The following OPCML variants were observed in gnomAD, a reference collection of about 807,000 sequenced individuals.
OPCML encodes opioid-binding protein/cell adhesion molecule.
Under a neutral mutation model 37.8 loss-of-function variants are expected in OPCML, and 13 were observed. The observed-to-expected ratio is 0.34, with a 90% confidence interval of 0.22 to 0.55. The LOEUF is 0.55. Ranked by LOEUF, OPCML falls within the 20% of genes least tolerant of loss-of-function variation. The probability of loss-of-function intolerance (pLI) is 0.91; values close to 1 mark genes in which losing one functional copy is unlikely to be tolerated. For synonymous variants in OPCML, 176 were observed against 168.8 expected (o/e 1.04, Z -0.33); for missense variants, 341 against 435.6 (o/e 0.78, Z 1.93).
chr11:133,456,972 G>A (rs1946683601), intron 1 of OPCML, among the ~76,000 whole-genome samples: 1 of 152,178 alleles, frequency 6.6e-6, no homozygotes, highest in South Asian at 2.1e-4. Context: ...ATGGACAAAA[G>A]CTTCACAAAT....
chr11:133,486,558 C>A (rs570093675), intron 1 of OPCML, among the ~76,000 whole-genome samples: 2 of 152,112 alleles, frequency 1.3e-5, no homozygotes, highest in Non-Finnish European at 2.9e-5. Flanking sequence ...TTCCTTTCCT[C>A]GACATCTATG....
intron 1 of OPCML, among the ~76,000 whole-genome samples, chr11:133,488,527 C>G (rs771856563): frequency 2.6e-5 from 4 of 151,828 alleles, no homozygotes; most frequent in Non-Finnish European, 5.9e-5. Flanking sequence ...AATAAAATAT[C>G]TAGGAATATA....
intron 1 of OPCML, among the ~76,000 whole-genome samples, chr11:133,090,355 C>A (rs1591991982): frequency 6.6e-6 from 1 of 152,020 alleles, no homozygotes; most frequent in Admixed American, 6.6e-5. Flanking sequence ...TAGGAAAAAA[C>A]CCTAGATGGG....
chr11:133,141,083 AAGAAGAAGAAGG>A lies in OPCML; in HGVS notation c.62-198085_62-198074del, dbSNP rs1431404974. Among the ~76,000 whole-genome samples, 6 of 128,484 alleles carry A rather than the reference AAGAAGAAGAAGG, an allele frequency of 4.7e-5. 1 individual carries two copies. Among genetic ancestry groups the A allele is most frequent in the African/African-American group, 1.6e-4 (6 of 37,262 alleles). The allele number at this position is 128,484 out of a possible 152,430, so 84.3% of individuals were successfully genotyped here. ...GAAGAAGAAGAAGAAGAAGAAGAAG[AAGAAGAAGAAGG>A]AGAAGAAGAAGCAGCTGAATGCCAA... On this transcript the variant is annotated intron_variant, in intron 1 of 7. Coordinates refer to ENST00000524381, the MANE Select transcript of OPCML (RefSeq NM_001012393.5).
chr11:133,343,690 A>C (rs1424179499), intron 1 of OPCML, among the ~76,000 whole-genome samples: 1 of 152,230 alleles, frequency 6.6e-6, no homozygotes, highest in Non-Finnish European at 1.5e-5. Flanking sequence ...CTGTCTACCT[A>C]GCACTGTAAT....
chr11:132,607,869 G>A (rs888851487), intron 3 of OPCML, among the ~76,000 whole-genome samples: 2 of 152,106 alleles, frequency 1.3e-5, no homozygotes, highest in East Asian at 1.9e-4. Flanking sequence ...GGAGGGAGTG[G>A]GGAAGAAAGG....
intron 1 of OPCML, among the ~76,000 whole-genome samples, chr11:133,141,048 C>CGAAGAAGAAGAAGAAGAA (rs1161324241): frequency 0.031 from 181 of 5,788 alleles, 73 homozygotes; most frequent in Non-Finnish European, 0.034. Context: ...ACGACGACGA[C>CGAAGAAGAAGAAGAAGAA]GAAGAAGAAG....
chr11:132,771,432 G>A (rs117741767), intron 2 of OPCML, among the ~76,000 whole-genome samples: 2,106 of 152,292 alleles, frequency 0.014, 162 homozygotes, highest in Admixed American at 0.12. Context: ...AGGAAATGCA[G>A]TTAAATAGAC....
At chr11:133,329,135 A>G (rs1160551561) in intron 1 of OPCML, among the ~76,000 whole-genome samples, 1 of 152,206 alleles carries the variant, frequency 6.6e-6, no homozygotes, top group African/African-American at 2.4e-5. Context: ...AGGGATGTGA[A>G]GGACCTCTTC....
chr11:133,247,954 AC>A (rs1175710297), intron 1 of OPCML, among the ~76,000 whole-genome samples: 2 of 152,186 alleles, frequency 1.3e-5, no homozygotes, highest in Non-Finnish European at 1.5e-5. Flanking sequence ...TAACATTAAT[AC>A]TAGAGAGATG....
chr11:133,393,951 A>G (rs1358699939), intron 1 of OPCML, among the ~76,000 whole-genome samples: 1 of 152,234 alleles, frequency 6.6e-6, no homozygotes, highest in East Asian at 1.9e-4. Context: ...CAAGTGGCCC[A>G]GGCCTGAGGA....
intron 1 of OPCML, among the ~76,000 whole-genome samples, chr11:133,160,001 G>C (rs545975018): frequency 3.0e-4 from 45 of 152,382 alleles, no homozygotes; most frequent in Admixed American, 1.1e-3. Flanking sequence ...TGTGGGCTGA[G>C]TGCAGGCTCC....
intron 1 of OPCML, among the ~76,000 whole-genome samples, chr11:133,143,056 T>C (rs535706030): frequency 7.9e-5 from 12 of 152,312 alleles, no homozygotes; most frequent in African/African-American, 2.6e-4. Context: ...CAGTGTGTAC[T>C]GAATATCTAC....
At chr11:132,734,209 C>CA (rs1209170198) in intron 2 of OPCML, among the ~76,000 whole-genome samples, 1 of 152,122 alleles carries the variant, frequency 6.6e-6, no homozygotes, top group African/African-American at 2.4e-5. Flanking sequence ...TTGTGATAGC[C>CA]AGGCCCCCAG....
At chr11:132,573,822 T>C (rs539591507) in intron 3 of OPCML, among the ~76,000 whole-genome samples, 1 of 152,094 alleles carries the variant, frequency 6.6e-6, no homozygotes, top group East Asian at 1.9e-4. Flanking sequence ...ATTATTTCCA[T>C]GTTTGGTAGA....
chr11:133,506,292 T>C (rs1948030325), intron 1 of OPCML, among the ~76,000 whole-genome samples: 1 of 152,180 alleles, frequency 6.6e-6, no homozygotes, highest in Admixed American at 6.5e-5. Flanking sequence ...AATTACTTTT[T>C]CTGCATTTTA....
At chr11:132,702,244 G>A (rs1043460188) in intron 2 of OPCML, among the ~76,000 whole-genome samples, 2 of 152,160 alleles carry the variant, frequency 1.3e-5, no homozygotes, top group African/African-American at 4.8e-5. Context: ...TTGTAAGGCA[G>A]GTCTAGTGGT....
intron 1 of OPCML, among the ~76,000 whole-genome samples, chr11:133,020,534 T>C (rs1409285336): frequency 6.6e-6 from 1 of 152,180 alleles, no homozygotes; most frequent in African/African-American, 2.4e-5. Flanking sequence ...GCAGTTTAGG[T>C]AGTGGCTCCA....
chr11:133,172,856 G>GAT (rs1414048940), intron 1 of OPCML, among the ~76,000 whole-genome samples: 3 of 152,112 alleles, frequency 2.0e-5, no homozygotes, highest in Non-Finnish European at 2.9e-5. Flanking sequence ...TAGGTATCAT[G>GAT]ATATATATAT....
Sources: allele counts gnomAD v4.1 joint callset (sites outside exome capture counted in the v4.1 genomes callset), GRCh38; gene constraint gnomAD v4.1.1; transcripts MANE v1.5; gene names NCBI Gene and HGNC (gene_info 2026-07-23, HGNC 2026-07-21).